The following C1orf115 variants were observed in gnomAD, a reference collection of about 807,000 sequenced individuals.
The protein encoded by C1orf115 is required for drug-induced death protein 1.
Under a neutral mutation model 12.5 loss-of-function variants are expected in C1orf115, and 14 were observed. The ratio of observed to expected loss-of-function variants is 1.12; its 90% confidence interval spans 0.74 to 1.75. The LOEUF (loss-of-function observed/expected upper bound fraction) is 1.75, where lower values mean the gene tolerates loss of function less well. Ranked by LOEUF, C1orf115 falls within the 40% of genes most tolerant of loss-of-function variation. C1orf115 has a pLI of 0.00. For synonymous variants in C1orf115, 109 were observed against 104.6 expected (o/e 1.04, Z -0.26); for missense variants, 237 against 220.8 (o/e 1.07, Z -0.46).
chr1:220,692,354 A>G (rs922337453), intron 1 of C1orf115, among the ~76,000 whole-genome samples: 1 of 152,212 alleles, frequency 6.6e-6, no homozygotes, highest in Non-Finnish European at 1.5e-5. Context: ...TTTTAATGGA[A>G]TTATTATTTA....
chr1:220,694,224 G>A (rs978907912), intron 1 of C1orf115, among the ~76,000 whole-genome samples: 1 of 151,910 alleles, frequency 6.6e-6, no homozygotes, highest in Non-Finnish European at 1.5e-5. Context: ...ATCAAAAGAA[G>A]CAGATGTTAT....
intron 1 of C1orf115, among the ~76,000 whole-genome samples, chr1:220,692,562 T>C (rs1342387428): frequency 6.6e-6 from 1 of 152,204 alleles, no homozygotes; most frequent in Non-Finnish European, 1.5e-5. Context: ...ATATTGTGCG[T>C]ATGATTCCAT....
chr1:220,694,974 T>G (rs1166224565), intron 1 of C1orf115, among the ~76,000 whole-genome samples: 1 of 152,134 alleles, frequency 6.6e-6, no homozygotes. Flanking sequence ...AGGGGAGAAC[T>G]AAGAATATGG....
At position 220,690,604 on chromosome 1, in the gene C1orf115, A is replaced by G. The variant is rs937274317; in HGVS notation, c.202A>G (p.Arg68Gly). Residue 68 changes from arginine to glycine, a missense_variant, in exon 1 of 2, where the codon AGG (arginine) becomes GGG (glycine). Transcript: ENST00000294889. ...GGGCCCGGGGACCCGGGGCGCGCGG[A>G]GGGTGCACTTCGCCCTCCTGCCCGA... ...ERGPGTRGAR[R>G]VHFALLPERY... 1 of 1,527,622 alleles carries G rather than the reference A, an allele frequency of 6.5e-7. No homozygotes were observed. Among genetic ancestry groups the G allele is most frequent in the Non-Finnish European group, 8.8e-7 (1 of 1,140,712 alleles). 94.6% of individuals were successfully genotyped at this position (1,527,622 alleles called of 1,614,324 possible). A position where few individuals can be genotyped will look rare whatever the true frequency, so the allele number is the denominator to read the frequency against.
In C1orf115 at chr1:220,693,781, A is replaced by C. The variant is rs77401159; in HGVS notation, c.310-2831A>C. 5.6e-3 allele frequency among the ~76,000 whole-genome samples: 853 copies of C among 152,190 alleles called. 9 individuals carry two copies. The highest frequency in any genetic ancestry group is 0.019 in the African/African-American group (801 of 41,522). On this transcript the variant is annotated intron_variant, in intron 1 of 1. Coordinates refer to ENST00000294889, the MANE Select transcript of C1orf115 (RefSeq NM_024709.5). ...GTTACTGTGAGGGACCCTGTAATTT[A>C]AACTATTGAAAGCTCAGCTGGGTGT...
At chr1:220,693,577 T>A (rs1670144469) in intron 1 of C1orf115, among the ~76,000 whole-genome samples, 1 of 152,174 alleles carries the variant, frequency 6.6e-6, no homozygotes, top group African/African-American at 2.4e-5. Context: ...CAGCCCAGTG[T>A]CTCTTTGAGA....
At chr1:220,692,107 G>A (rs1670119945) in intron 1 of C1orf115, among the ~76,000 whole-genome samples, 1 of 152,192 alleles carries the variant, frequency 6.6e-6, no homozygotes, top group African/African-American at 2.4e-5. Context: ...CCACTAGAAC[G>A]GCTACTCCAA....
intron 1 of C1orf115, among the ~76,000 whole-genome samples, chr1:220,696,100 A>G (rs1670190320): frequency 6.6e-6 from 1 of 152,186 alleles, no homozygotes; most frequent in South Asian, 2.1e-4. Flanking sequence ...AGATATAGCA[A>G]TTAGAAAATG....
In C1orf115 at chr1:220,690,621, C is replaced by T; in HGVS notation, c.219C>T (p.Leu73=). The part of the protein sequence containing the change: ...TRGARRVHFA[L]LPERYEPLEE... ...GCGCGCGGAGGGTGCACTTCGCCCT[C>T]CTGCCCGAGCGCTACGAGCCACTGG... Residue 73 remains leucine (L), a synonymous_variant, in exon 1 of 2, where the codon CTC becomes CTT. Coordinates refer to ENST00000294889, the MANE Select transcript of C1orf115 (RefSeq NM_024709.5). 1.3e-6 allele frequency: 2 copies of T among 1,551,572 alleles called. No homozygotes were observed. The highest frequency in any genetic ancestry group is 1.7e-6 in the Non-Finnish European group (2 of 1,152,040).
chr1:220,691,816 G>A (rs1452273196), intron 1 of C1orf115, among the ~76,000 whole-genome samples: 4 of 152,208 alleles, frequency 2.6e-5, no homozygotes, highest in Non-Finnish European at 4.4e-5. Flanking sequence ...CACTCATTAT[G>A]CGTCAGGCAT....
chr1:220,697,811 C>T lies in C1orf115; in HGVS notation c.*1080C>T. 6.5e-6 allele frequency: 1 copy of T among 153,006 alleles called. No individual in the cohort carries two copies. 9.5% of individuals were successfully genotyped at this position (153,006 alleles called of 1,614,324 possible). ...AAGAGAGAAGTTTGCTGTCCAGGAG[C>T]CAGGTCTGGAGCATCAGTGTGAGGG... is the stretch of plus-strand genomic sequence containing the variant. On this transcript the variant is annotated 3_prime_UTR_variant, in exon 2 of 2. Transcript: ENST00000294889. The surrounding 1 kb of genome is among the most constrained non-coding windows in gnomAD (Gnocchi z 4.5).
intron 1 of C1orf115, 93 bp downstream of exon 1, chr1:220,690,804 T>G (rs1670091105): frequency 5.6e-6 from 8 of 1,422,698 alleles, no homozygotes; most frequent in Non-Finnish European, 7.5e-6. Context: ...CTCACCCAGT[T>G]TCTCCGGGCT....
rs569387892 is a variant in C1orf115, at chr1:220,691,954, C to T, written c.309+1243C>T. On this transcript the variant is annotated intron_variant, in intron 1 of 1. Transcript: ENST00000294889. ...CCCGGGGGGGCTTCAGGGCACAGAGCTCAGGCAGTTCACTCCTCAGCGGTG... is the reference window on the plus strand; with the variant it reads ...CCCGGGGGGGCTTCAGGGCACAGAGTTCAGGCAGTTCACTCCTCAGCGGTG... Among the ~76,000 whole-genome samples the T allele has an allele frequency of 1.6e-4, 24 of 152,304 alleles. No homozygotes were observed. The South Asian group carries it at 4.8e-3, about 30-fold the overall frequency.
Position 220,695,903 on chromosome 1 carries a change from G to A in C1orf115, c.310-709G>A, listed in dbSNP as rs115844331. Among the ~76,000 whole-genome samples, 1,067 of 152,228 alleles carry A rather than the reference G, an allele frequency of 7.0e-3. 13 individuals carry two copies. Among genetic ancestry groups the A allele is most frequent in the Non-Finnish European group, 0.012 (799 of 67,996 alleles). On this transcript the variant is annotated intron_variant, in intron 1 of 1. Transcript: ENST00000294889. ...GTGCAATAAATGTTTGGTGGTGGTG[G>A]TGGTAATTTTTCTGTTGCAATCACA...
intron 1 of C1orf115, among the ~76,000 whole-genome samples, 161 bp from the exon 2 acceptor site, chr1:220,696,451 A>G (rs1463140508): frequency 2.6e-5 from 4 of 152,230 alleles, no homozygotes; most frequent in Non-Finnish European, 5.9e-5. Flanking sequence ...ACCTTCCACC[A>G]GAGATGTGGG....
At chr1:220,695,674 G>A (rs944247307) in intron 1 of C1orf115, among the ~76,000 whole-genome samples, 2 of 151,984 alleles carry the variant, frequency 1.3e-5, no homozygotes, top group African/African-American at 4.8e-5. Context: ...GGTTTGTCAG[G>A]TGGTGTTGGA....
rs539200668 is a variant in C1orf115, at chr1:220,698,142, T to C, written c.*1411T>C. ...CCCCAGTAGGCCACTGTTCTGACTTTGTTTCCAGAATATCCAGAAATCCAA... is the reference window on the plus strand; with the variant it reads ...CCCCAGTAGGCCACTGTTCTGACTTCGTTTCCAGAATATCCAGAAATCCAA... On this transcript the variant is annotated 3_prime_UTR_variant, in exon 2 of 2. Coordinates refer to ENST00000294889, the MANE Select transcript of C1orf115 (RefSeq NM_024709.5). 1 of 152,548 alleles carries C rather than the reference T, an allele frequency of 6.6e-6. No individual in the cohort carries two copies. The highest frequency in any genetic ancestry group is 1.9e-4 in the East Asian group (1 of 5,176). The allele number at this position is 152,548 out of a possible 1,614,324, so 9.4% of individuals were successfully genotyped here. A position where few individuals can be genotyped will look rare whatever the true frequency, so the allele number is the denominator to read the frequency against.
In C1orf115 at chr1:220,696,861, A is replaced by C; in HGVS notation, c.*130A>C. The C allele has an allele frequency of 8.1e-7, 1 of 1,236,580 alleles. No homozygotes were observed. Among genetic ancestry groups the C allele is most frequent in the South Asian group, 1.8e-5 (1 of 56,012 alleles). The allele number at this position is 1,236,580 out of a possible 1,614,324, so 76.6% of individuals were successfully genotyped here. ...AGAGAAAACATGCCTTTCTTTGTTG[A>C]ATCACATTAGTATGATGAGTGAGTC... On this transcript the variant is annotated 3_prime_UTR_variant, in exon 2 of 2. Transcript: ENST00000294889.
intron 1 of C1orf115, among the ~76,000 whole-genome samples, chr1:220,694,521 C>G (rs769933072): frequency 1.3e-5 from 2 of 152,196 alleles, no homozygotes; most frequent in Non-Finnish European, 2.9e-5. Flanking sequence ...GTCATAGGCC[C>G]TGAAGTGAGA....
Sources: allele counts gnomAD v4.1 joint callset (sites outside exome capture counted in the v4.1 genomes callset), GRCh38; gene constraint gnomAD v4.1.1; non-coding constraint Gnocchi (gnomAD v3.1); transcripts MANE v1.5; gene names NCBI Gene and HGNC (gene_info 2026-07-23, HGNC 2026-07-21).